The following HSDL1 variants were observed in gnomAD, a reference collection of about 807,000 sequenced individuals.
The protein encoded by HSDL1 is inactive hydroxysteroid dehydrogenase-like protein 1.
Under a neutral mutation model 31.5 loss-of-function variants are expected in HSDL1, and 29 were observed. The observed-to-expected ratio is 0.92, with a 90% CI of 0.69 to 1.26. The LOEUF (loss-of-function observed/expected upper bound fraction) is 1.26. Among genes scored for constraint, HSDL1 ranks in the 50% most tolerant of loss-of-function variants. HSDL1 has a pLI of 0.00. For missense variants in HSDL1, 503 were observed against 416.6 expected (o/e 1.21, Z -1.81); for synonymous variants, 222 against 155.2 (o/e 1.43, Z -3.20).
chr16:84,129,304 C>A (rs1268717264), intron 5 of HSDL1, among the ~76,000 whole-genome samples: 2 of 151,754 alleles, frequency 1.3e-5, no homozygotes, highest in Non-Finnish European at 2.9e-5. Flanking sequence ...GGCATGAACC[C>A]GGGAGGCGGA....
intron 1 of HSDL1, among the ~76,000 whole-genome samples, chr16:84,135,888 T>C (rs1276574532): frequency 6.6e-6 from 1 of 152,178 alleles, no homozygotes; most frequent in East Asian, 1.9e-4. Flanking sequence ...TAGGGAACAT[T>C]TCATCAAATG....
chr16:84,138,261 C>A (rs375898650), intron 1 of HSDL1, among the ~76,000 whole-genome samples: 21 of 152,326 alleles, frequency 1.4e-4, no homozygotes, highest in East Asian at 5.8e-4. Context: ...CCTGCAAGAA[C>A]TTATTCTAAA....
In HSDL1 at chr16:84,130,576, C is replaced by T. The variant is rs1295039838; in HGVS notation, c.221-145G>A. ...TTCTAGTATCTACAAGTCAAGGACA[C>T]TGTTGCTGAATGAGGAATGTGAAGG... On this transcript the variant is annotated intron_variant, in intron 3 of 5. Transcript: ENST00000219439. 4.6e-6 allele frequency: 3 copies of T among 659,200 alleles called. No individual in the cohort carries two copies. The African/African-American group carries it at 5.4e-5, about 12-fold the overall frequency. The allele number at this position is 659,200 out of a possible 1,614,324, so 40.8% of individuals were successfully genotyped here. A position where few individuals can be genotyped will look rare whatever the true frequency, so the allele number is the denominator to read the frequency against.
intron 5 of HSDL1, among the ~76,000 whole-genome samples, chr16:84,127,756 T>C (rs1232596505): frequency 6.8e-6 from 1 of 148,092 alleles, no homozygotes; most frequent in African/African-American, 2.5e-5. Context: ...TCTTGCTCTG[T>C]CGTCCAGGCT....
chr16:84,140,883 C>T (rs2086760954), intron 1 of HSDL1, among the ~76,000 whole-genome samples: 1 of 151,972 alleles, frequency 6.6e-6, no homozygotes, highest in Non-Finnish European at 1.5e-5. Flanking sequence ...GCGGGCGGAT[C>T]ACGAGGTCAG....
intron 5 of HSDL1, among the ~76,000 whole-genome samples, chr16:84,128,793 C>T (rs960250858): frequency 3.9e-5 from 6 of 151,982 alleles, no homozygotes; most frequent in Admixed American, 1.3e-4. Flanking sequence ...CTGCAACCTC[C>T]GCCTCCAGGG....
intron 2 of HSDL1, among the ~76,000 whole-genome samples, chr16:84,134,490 G>A (rs557626851): frequency 6.6e-6 from 1 of 152,152 alleles, no homozygotes; most frequent in South Asian, 2.1e-4. Context: ...GGGTATGGTG[G>A]TGACTGCCCA....
At chr16:84,134,707 G>C (rs2086697424) in intron 2 of HSDL1, among the ~76,000 whole-genome samples, 1 of 152,090 alleles carries the variant, frequency 6.6e-6, no homozygotes, top group Non-Finnish European at 1.5e-5. Flanking sequence ...TAAAAAGTGT[G>C]GGTGCCTTTT....
At chr16:84,140,733 C>A (rs2086758192) in intron 1 of HSDL1, among the ~76,000 whole-genome samples, 1 of 152,190 alleles carries the variant, frequency 6.6e-6, no homozygotes, top group African/African-American at 2.4e-5. Flanking sequence ...CAGCCTCTCT[C>A]CTAAATTCTG....
Position 84,124,589 on chromosome 16 carries a change from T to C in HSDL1, c.*41A>G. 1 of 1,192,238 alleles carries C rather than the reference T, an allele frequency of 8.4e-7. No homozygotes were observed. The highest frequency in any genetic ancestry group is 1.3e-6 in the Non-Finnish European group (1 of 797,120). 73.9% of individuals were successfully genotyped at this position (1,192,238 alleles called of 1,614,324 possible). A position where few individuals can be genotyped will look rare whatever the true frequency, so the allele number is the denominator to read the frequency against. On this transcript the variant is annotated 3_prime_UTR_variant, in exon 6 of 6. Coordinates refer to ENST00000219439, the MANE Select transcript of HSDL1 (RefSeq NM_031463.5). ...TTTTCCAAATGTCAGAATATCGAGG[T>C]TCCCAGGAGTTGGCAAAACTTCTCA... is the stretch of plus-strand genomic sequence containing the variant.
At chr16:84,139,018 G>C (rs999602077) in intron 1 of HSDL1, among the ~76,000 whole-genome samples, 1 of 152,188 alleles carries the variant, frequency 6.6e-6, no homozygotes, top group African/African-American at 2.4e-5. Context: ...CTGAAACATG[G>C]ACATTACCAA....
In HSDL1 at chr16:84,122,802, C is replaced by T. The variant is rs749337627; in HGVS notation, c.*1828G>A. ...TTCACTGCAGCTATGGACAGCTCGGCACCACATTTGCACCAATCAGCATGT... is the reference window on the plus strand; with the variant it reads ...TTCACTGCAGCTATGGACAGCTCGGTACCACATTTGCACCAATCAGCATGT... On this transcript the variant is annotated 3_prime_UTR_variant, in exon 6 of 6. Coordinates refer to ENST00000219439, the MANE Select transcript of HSDL1 (RefSeq NM_031463.5). The T allele has an allele frequency of 6.6e-6, 1 of 152,224 alleles. No individual in the cohort carries two copies. Among genetic ancestry groups the T allele is most frequent in the Non-Finnish European group, 1.5e-5 (1 of 68,052 alleles). The allele number at this position is 152,224 out of a possible 1,614,324, so 9.4% of individuals were successfully genotyped here.
chr16:84,134,887 A>T (rs1006836601), intron 2 of HSDL1, among the ~76,000 whole-genome samples: 39 of 152,230 alleles, frequency 2.6e-4, no homozygotes, highest in Non-Finnish European at 2.9e-5. Context: ...TTATTCTTCT[A>T]ATAACAGGTA....
chr16:84,126,407 C>A (rs1329404058), intron 5 of HSDL1, among the ~76,000 whole-genome samples: 1 of 152,098 alleles, frequency 6.6e-6, no homozygotes, highest in African/African-American at 2.4e-5. Flanking sequence ...GGTCGTCACA[C>A]TGGGAGTGGA....
Position 84,131,306 on chromosome 16 carries a change from T to C in HSDL1, c.16A>G (p.Ser6Gly). ...ATTTCCCTGTACAAGAGGTAGAAAC[T>C]GTCAACAGCAGCCATGGCAACCTGC... Reference protein sequence around the residue: MAAVDSFYLLYREIAR... With the variant: MAAVDGFYLLYREIAR... The change falls in exon 3 of 6, where the codon AGT becomes GGT. Residue 6 changes from serine to glycine, a missense_variant. By Grantham distance (56) the Ser-to-Gly change is moderately conservative (BLOSUM62 0). Coordinates refer to ENST00000219439, the MANE Select transcript of HSDL1 (RefSeq NM_031463.5). The C allele has an allele frequency of 6.2e-7, 1 of 1,613,826 alleles. No homozygotes were observed. The highest frequency in any genetic ancestry group is 8.5e-7 in the Non-Finnish European group (1 of 1,179,858).
chr16:84,139,723 C>T (rs982517427), intron 1 of HSDL1, among the ~76,000 whole-genome samples: 4 of 152,152 alleles, frequency 2.6e-5, no homozygotes. Context: ...GAAAACTCTG[C>T]AACCTCCCTT....
intron 5 of HSDL1, among the ~76,000 whole-genome samples, chr16:84,126,276 C>G (rs1036398728): frequency 1.3e-5 from 2 of 152,048 alleles, no homozygotes; most frequent in Non-Finnish European, 2.9e-5. Flanking sequence ...GTATCTTGAC[C>G]TATGATGGGG....
chr16:84,145,065 CG>C lies in HSDL1; in HGVS notation c.-69+14del, dbSNP rs2086835588. Reference sequence around the variant, plus strand: ...GGACCGCGAGAGGGCGCCCAGGGCGCGGGGGGCGCGGTACCTGCAGGCCGGC... The same window carrying C: ...GGACCGCGAGAGGGCGCCCAGGGCGCGGGGGCGCGGTACCTGCAGGCCGGC... On this transcript the variant is annotated intron_variant, in intron 1 of 5. Transcript: ENST00000219439. 1 of 155,616 alleles carries C rather than the reference CG, an allele frequency of 6.4e-6. No individual in the cohort carries two copies. The highest frequency in any genetic ancestry group is 1.4e-5 in the Non-Finnish European group (1 of 70,678). The allele number at this position is 155,616 out of a possible 1,614,324, so 9.6% of individuals were successfully genotyped here.
rs529955374 is a variant in HSDL1, at chr16:84,130,954, T to C, written c.220+148A>G. 5.6e-5 allele frequency: 38 copies of C among 679,332 alleles called. No individual in the cohort carries two copies. The South Asian group carries it at 6.7e-4, about 12-fold the overall frequency. 42.1% of individuals were successfully genotyped at this position (679,332 alleles called of 1,614,324 possible). Reference sequence around the variant, plus strand: ...TCCTAAGATGAGAGCAGTAAGAAAATGAAATGTGAACATAATCACGGCAGG... The same window carrying C: ...TCCTAAGATGAGAGCAGTAAGAAAACGAAATGTGAACATAATCACGGCAGG... On this transcript the variant is annotated intron_variant, in intron 3 of 5. Coordinates refer to ENST00000219439, the MANE Select transcript of HSDL1 (RefSeq NM_031463.5).
Sources: gnomAD v4.1 joint callset for allele counts (sites outside exome capture counted in the v4.1 genomes callset) on GRCh38, gnomAD v4.1.1 for gene constraint, MANE v1.5 for transcripts, NCBI Gene and HGNC (gene_info 2026-07-23, HGNC 2026-07-21) for gene names.